The following PLEKHA8 variants were observed in gnomAD, a reference collection of about 807,000 sequenced individuals.
The protein encoded by PLEKHA8 is pleckstrin homology domain-containing family A member 8.
Under a neutral mutation model 68.2 loss-of-function variants are expected in PLEKHA8, and 36 were observed. The observed-to-expected ratio is 0.53, with a 90% CI of 0.40 to 0.70. The LOEUF (loss-of-function observed/expected upper bound fraction) is 0.70, where lower values mean the gene tolerates loss of function less well. PLEKHA8 is among the 30% of genes least tolerant of loss of function. The pLI is 0.00. For synonymous variants in PLEKHA8, 211 were observed against 216.1 expected (o/e 0.98, Z 0.20); for missense variants, 505 against 615.4 (o/e 0.82, Z 1.90).
intron 1 of PLEKHA8, among the ~76,000 whole-genome samples, chr7:30,041,924 A>C (rs531958880): frequency 6.6e-6 from 1 of 152,230 alleles, no homozygotes; most frequent in African/African-American, 2.4e-5. Context: ...GTGTCATGTA[A>C]AATAATGGTG....
intron 1 of PLEKHA8, among the ~76,000 whole-genome samples, chr7:30,029,027 C>T (rs1228050674): frequency 6.6e-6 from 1 of 152,248 alleles, no homozygotes; most frequent in Admixed American, 6.5e-5. Flanking sequence ...TGCCCTTTCG[C>T]TTCAAGGAAG....
At chr7:30,053,486 AT>A in intron 7 of PLEKHA8, among the ~76,000 whole-genome samples, 1 of 152,284 alleles carries the variant, frequency 6.6e-6, no homozygotes, top group Non-Finnish European at 1.5e-5. Flanking sequence ...AAGAGACCTT[AT>A]TTTTTCTCGA....
At position 30,074,134 on chromosome 7, in the gene PLEKHA8, T is replaced by C. The variant is rs777637281; in HGVS notation, c.1362+2T>C. Reference sequence around the variant, plus strand: ...TGGGTAGTTCGAGGGGTTTTTGCGGTAAGTGATCCTTCTTGTCTCCTATTA... The same window carrying C: ...TGGGTAGTTCGAGGGGTTTTTGCGGCAAGTGATCCTTCTTGTCTCCTATTA... On this transcript the variant is annotated splice_donor_variant, in intron 13 of 13. Coordinates refer to ENST00000449726, the MANE Select transcript of PLEKHA8 (RefSeq NM_001197026.2). LOFTEE classifies it high-confidence loss of function. 1 of 1,612,156 alleles carries C rather than the reference T, an allele frequency of 6.2e-7. No individual in the cohort carries two copies. Among genetic ancestry groups the C allele is most frequent in the Non-Finnish European group, 8.5e-7 (1 of 1,178,416 alleles).
In PLEKHA8 at chr7:30,080,074, A is replaced by G. The variant is rs1190553383; in HGVS notation, c.*1287A>G. Reference sequence around the variant, plus strand: ...TGACTCTGAATCTGCTTACCAATCAATCTCGGTTTAATCACCAAAAGTGCA... The same window carrying G: ...TGACTCTGAATCTGCTTACCAATCAGTCTCGGTTTAATCACCAAAAGTGCA... On this transcript the variant is annotated 3_prime_UTR_variant, in exon 14 of 14. Coordinates refer to ENST00000449726, the MANE Select transcript of PLEKHA8 (RefSeq NM_001197026.2). The G allele has an allele frequency of 1.8e-5, 18 of 985,236 alleles. No homozygotes were observed. The highest frequency in any genetic ancestry group is 1.2e-4 in the Admixed American group (2 of 16,258). The allele number at this position is 985,236 out of a possible 1,614,324, so 61.0% of individuals were successfully genotyped here.
intron 1 of PLEKHA8, among the ~76,000 whole-genome samples, chr7:30,037,179 T>C (rs1002522505): frequency 6.6e-6 from 1 of 152,198 alleles, no homozygotes; most frequent in Non-Finnish European, 1.5e-5. Context: ...ATAGCATACA[T>C]AATATATGAT....
chr7:30,057,094 T>C (rs1562871514), intron 9 of PLEKHA8, among the ~76,000 whole-genome samples: 1 of 151,992 alleles, frequency 6.6e-6, no homozygotes. Flanking sequence ...GCGTAGGTCT[T>C]AACTGTTATG....
At chr7:30,115,658 A>G (rs1179058543) in intron 13 of PLEKHA8, among the ~76,000 whole-genome samples, 1 of 151,800 alleles carries the variant, frequency 6.6e-6, no homozygotes, top group Non-Finnish European at 1.5e-5. Flanking sequence ...GTACACATAC[A>G]TGTATACGTG....
rs189813096 is a variant in PLEKHA8, at chr7:30,043,202, G to A, written c.41-1883G>A. Reference sequence around the variant, plus strand: ...ATTAGAGATGGGTTTCGCCATTGTTGCCCAGGCTGGTCTGGAACTCCTGGC... The same window carrying A: ...ATTAGAGATGGGTTTCGCCATTGTTACCCAGGCTGGTCTGGAACTCCTGGC... On this transcript the variant is annotated intron_variant, in intron 1 of 13. Transcript: ENST00000449726. Among the ~76,000 whole-genome samples the A allele has an allele frequency of 3.5e-3, 536 of 152,224 alleles. 2 individuals are homozygous for A. Among genetic ancestry groups the A allele is most frequent in the African/African-American group, 0.013 (520 of 41,530 alleles).
At chr7:30,085,073 T>G (rs1244799130), downstream of PLEKHA8, among the ~76,000 whole-genome samples, 1 of 151,628 alleles carries the variant, frequency 6.6e-6, no homozygotes, top group African/African-American at 2.4e-5. Context: ...GCCTCCTGAG[T>G]AGCTGGGATT....
intron 3 of PLEKHA8, among the ~76,000 whole-genome samples, chr7:30,047,553 A>C (rs1792053127): frequency 6.6e-6 from 1 of 152,214 alleles, no homozygotes; most frequent in Admixed American, 6.5e-5. Context: ...AGTGGGTCAG[A>C]CTATATTGTC....
intron 13 of PLEKHA8, among the ~76,000 whole-genome samples, chr7:30,102,110 A>T (rs991548707): frequency 6.6e-6 from 1 of 152,208 alleles, no homozygotes; most frequent in Non-Finnish European, 1.5e-5. Context: ...AACCCAATTT[A>T]AAAATAGGCA....
intron 5 of PLEKHA8, 118 bp downstream of exon 5, chr7:30,049,500 T>G: frequency 7.7e-7 from 1 of 1,304,344 alleles, no homozygotes; most frequent in Non-Finnish European, 1.0e-6. Flanking sequence ...TTAATGGACT[T>G]TGCTCTACGT....
downstream of PLEKHA8, chr7:30,130,008 T>C (rs1796846722): frequency 6.6e-6 from 1 of 152,240 alleles, no homozygotes; most frequent in African/African-American, 2.4e-5. Context: ...CACCAAATCT[T>C]AGTAAATGGA....
chr7:30,056,172 T>G lies in PLEKHA8; in HGVS notation c.1039+830T>G, dbSNP rs1792840240. 2.7e-5 allele frequency among the ~76,000 whole-genome samples: 4 copies of G among 150,520 alleles called. No individual in the cohort carries two copies. In the South Asian group the frequency reaches 8.5e-4, roughly 32 times the overall value. On this transcript the variant is annotated intron_variant, in intron 9 of 13. Transcript: ENST00000449726. ...GTTTGCCAGGATAGTCTTGATCTCC[T>G]GACCTCGTGATCCGCCTGCCTTGGC... is the stretch of plus-strand genomic sequence containing the variant.
intron 13 of PLEKHA8, among the ~76,000 whole-genome samples, chr7:30,107,218 G>T (rs1221367568): frequency 6.6e-6 from 1 of 151,752 alleles, no homozygotes; most frequent in Admixed American, 6.6e-5. Flanking sequence ...TTACAATTTT[G>T]TTATAAAATA....
Position 30,084,421 on chromosome 7 carries a change from T to C in PLEKHA8, c.*5634T>C, listed in dbSNP as rs1242087575. On this transcript the variant is annotated 3_prime_UTR_variant, in exon 14 of 14. Coordinates refer to ENST00000449726, the MANE Select transcript of PLEKHA8 (RefSeq NM_001197026.2). ...TAAAAGTGTCAAGTGGCTTGTTAAC[T>C]TCTTAATTTAATGGACCTTTACTTA... The C allele has an allele frequency of 1.1e-5, 11 of 985,322 alleles. No homozygotes were observed. Among genetic ancestry groups the C allele is most frequent in the Non-Finnish European group, 1.3e-5 (11 of 829,846 alleles). 61.0% of individuals were successfully genotyped at this position (985,322 alleles called of 1,614,324 possible).
At position 30,103,441 on chromosome 7, in the gene PLEKHA8, A is replaced by T. The variant is rs1011256304; in HGVS notation, c.1363-25825A>T. On this transcript the variant is annotated intron_variant, in intron 13 of 13. Coordinates refer to the PLEKHA8 transcript ENST00000396257. ...TGTAGAAATTGGTGTGCTAATCCTA[A>T]AATGTATGTAGAAATGCAAAGGACC... is the stretch of plus-strand genomic sequence containing the variant. 5.9e-5 allele frequency among the ~76,000 whole-genome samples: 9 copies of T among 152,362 alleles called. No homozygotes were observed. The East Asian group carries it at 1.2e-3, about 20-fold the overall frequency.
At chr7:30,086,559 T>G (rs925106729), downstream of PLEKHA8, among the ~76,000 whole-genome samples, 1 of 152,210 alleles carries the variant, frequency 6.6e-6, no homozygotes, top group Non-Finnish European at 1.5e-5. Flanking sequence ...TACAGCTGCC[T>G]TGTGGTCATG....
Position 30,083,588 on chromosome 7 carries a change from A to C in PLEKHA8, c.*4801A>C. ...TAACAGTGCCTCTCTGGTACAGTTG[A>C]TGCATGCATTGATCTTTCTTCTCTG... On this transcript the variant is annotated 3_prime_UTR_variant, in exon 14 of 14. Coordinates refer to ENST00000449726, the MANE Select transcript of PLEKHA8 (RefSeq NM_001197026.2). 1.0e-6 allele frequency: 1 copy of C among 985,416 alleles called. No homozygotes were observed. Among genetic ancestry groups the C allele is most frequent in the East Asian group, 1.1e-4 (1 of 8,814 alleles). The allele number at this position is 985,416 out of a possible 1,614,324, so 61.0% of individuals were successfully genotyped here. A position where few individuals can be genotyped will look rare whatever the true frequency, so the allele number is the denominator to read the frequency against.
Sources: gnomAD v4.1 joint callset for allele counts (sites outside exome capture counted in the v4.1 genomes callset) on GRCh38, gnomAD v4.1.1 for gene constraint, MANE v1.5 for transcripts, NCBI Gene and HGNC (gene_info 2026-07-23, HGNC 2026-07-21) for gene names.